The following PTPRG variants were observed in gnomAD, a reference collection of about 807,000 sequenced individuals.
PTPRG encodes the protein protein tyrosine phosphatase receptor type G.
A neutral mutation model predicts 165.3 loss-of-function variants in PTPRG; 102 were observed. The ratio of observed to expected loss-of-function variants is 0.62; its 90% confidence interval spans 0.53 to 0.73. PTPRG has a LOEUF of 0.73. PTPRG is among the 30% of genes least tolerant of loss of function. The probability of loss-of-function intolerance (pLI) is 0.00; values close to 1 mark genes in which losing one functional copy is unlikely to be tolerated. For synonymous variants in PTPRG, 675 were observed against 669.5 expected, an observed-to-expected ratio of 1.01 and a Z score of -0.13; for missense variants, 1,866 against 1,861.4, an observed-to-expected ratio of 1.00 and a Z score of -0.05.
At chr3:61,913,586 A>G (rs2038859032) in intron 2 of PTPRG, among the ~76,000 whole-genome samples, 1 of 152,166 alleles carries the variant, frequency 6.6e-6, no homozygotes, top group Non-Finnish European at 1.5e-5. Flanking sequence ...ATGCACTCAT[A>G]TGGATGTGTG....
chr3:62,158,828 C>T (rs1052523643), intron 7 of PTPRG, among the ~76,000 whole-genome samples: 2 of 151,778 alleles, frequency 1.3e-5, no homozygotes, highest in South Asian at 2.1e-4. Context: ...AAAGGACTGG[C>T]GATTTGGTTT....
chr3:61,934,416 T>A (rs907338722), intron 2 of PTPRG, among the ~76,000 whole-genome samples: 1 of 152,138 alleles, frequency 6.6e-6, no homozygotes, highest in African/African-American at 2.4e-5. Context: ...AATCCTGTTT[T>A]TCTGCTGTAA....
At chr3:61,732,634 G>A (rs953564124) in intron 1 of PTPRG, among the ~76,000 whole-genome samples, 8 of 150,990 alleles carry the variant, frequency 5.3e-5, no homozygotes, top group African/African-American at 7.4e-5. Context: ...GCATGAACCC[G>A]AGAGGCGGAG....
chr3:61,948,014 C>A (rs554392024), intron 2 of PTPRG, among the ~76,000 whole-genome samples: 1 of 151,962 alleles, frequency 6.6e-6, no homozygotes, highest in African/African-American at 2.4e-5. Context: ...AAACACGTAT[C>A]CCATAGGAAA....
chr3:61,742,519 T>C (rs1559586085), intron 1 of PTPRG: 7 of 1,597,218 alleles, frequency 4.4e-6, no homozygotes, highest in East Asian at 2.2e-5. Flanking sequence ...ATTCTGCCAG[T>C]TTTTCTTGAG....
Position 62,143,554 on chromosome 3 carries a change from CTTT to C in PTPRG, c.682+10900_682+10902del, listed in dbSNP as rs372744091. ...GAAAAATTTTAGTCTCATGAAGAATCTTTTTTTTTTTTTTTTAATTTTTTTGCC... is the reference window on the plus strand; with the variant it reads ...GAAAAATTTTAGTCTCATGAAGAATCTTTTTTTTTTTTTAATTTTTTTGCC... On this transcript the variant is annotated intron_variant, in intron 6 of 29. Coordinates refer to ENST00000474889, the MANE Select transcript of PTPRG (RefSeq NM_002841.4). Among the ~76,000 whole-genome samples, 507 of 138,902 alleles carry C rather than the reference CTTT, an allele frequency of 3.7e-3. 4 individuals are homozygous for C. Among genetic ancestry groups the C allele is most frequent in the African/African-American group, 0.012 (481 of 38,522 alleles). 91.1% of individuals were successfully genotyped at this position (138,902 alleles called of 152,430 possible).
intron 1 of PTPRG, among the ~76,000 whole-genome samples, chr3:61,570,461 A>G (rs751794990): frequency 1.2e-4 from 19 of 152,322 alleles, no homozygotes; most frequent in Non-Finnish European, 2.2e-4. Context: ...AAATAGGACA[A>G]CTGGTCTTAT....
rs2040314377 is a variant in PTPRG at position 61,968,315 on chromosome 3, CTA to C, written c.191-21308_191-21307del. Reference sequence around the variant, plus strand: ...TTACTAAATGGCTTCTATTTCAGAGCTATGTCATATTCCATCAGTGAGTATAG... The same window carrying C: ...TTACTAAATGGCTTCTATTTCAGAGCTGTCATATTCCATCAGTGAGTATAG... On this transcript the variant is annotated intron_variant, in intron 2 of 29. Coordinates refer to ENST00000474889, the MANE Select transcript of PTPRG (RefSeq NM_002841.4). Among the ~76,000 whole-genome samples, 3 of 152,120 alleles carry C rather than the reference CTA, an allele frequency of 2.0e-5. No homozygotes were observed. In the South Asian group the frequency reaches 6.2e-4, roughly 32 times the overall value.
In PTPRG at chr3:61,561,593, A is replaced by C. The variant is rs1699750783; in HGVS notation, c.-695A>C. ...CACATGTTACTTCCTGTATGGAGGCATGGCCAGTTTCCAGCCCCGCGCTCT... is the reference window on the plus strand; with the variant it reads ...CACATGTTACTTCCTGTATGGAGGCCTGGCCAGTTTCCAGCCCCGCGCTCT... On this transcript the variant is annotated 5_prime_UTR_variant, in exon 1 of 30. It removes an upstream start codon present in the reference 5' UTR. Coordinates refer to ENST00000474889, the MANE Select transcript of PTPRG (RefSeq NM_002841.4). The C allele has an allele frequency of 6.6e-6, 1 of 152,400 alleles. No individual in the cohort carries two copies. The highest frequency in any genetic ancestry group is 1.5e-5 in the Non-Finnish European group (1 of 68,334). 9.4% of individuals were successfully genotyped at this position (152,400 alleles called of 1,614,324 possible).
intron 6 of PTPRG, among the ~76,000 whole-genome samples, chr3:62,137,764 G>A (rs955713898): frequency 1.3e-5 from 2 of 152,090 alleles, no homozygotes; most frequent in African/African-American, 2.4e-5. Context: ...ACTCTTCGTC[G>A]CATGTCACAG....
chr3:61,887,953 C>A (rs2038097808), intron 2 of PTPRG, among the ~76,000 whole-genome samples: 1 of 151,952 alleles, frequency 6.6e-6, no homozygotes, highest in African/African-American at 2.4e-5. Context: ...CTGGAGAATA[C>A]CAAAATGGAT....
intron 7 of PTPRG, 90 bp downstream of exon 7, chr3:62,157,314 A>G: frequency 7.4e-7 from 1 of 1,359,886 alleles, no homozygotes; most frequent in Admixed American, 2.0e-5. Context: ...CCACTAAGGA[A>G]TTTGTTCTTG....
intron 5 of PTPRG, among the ~76,000 whole-genome samples, chr3:62,080,062 A>C (rs1859405): frequency 7.8e-6 from 1 of 128,870 alleles, no homozygotes; most frequent in African/African-American, 2.8e-5. Flanking sequence ...CCTTCGGTTC[A>C]TTTTTTTTTT....
chr3:61,585,563 G>A (rs1183437820), intron 1 of PTPRG, among the ~76,000 whole-genome samples: 1 of 151,752 alleles, frequency 6.6e-6, no homozygotes, highest in East Asian at 1.9e-4. Flanking sequence ...TGGGCAACAT[G>A]GCAAAACCCT....
At chr3:62,069,789 A>C (rs1218741403) in intron 4 of PTPRG, among the ~76,000 whole-genome samples, 1 of 152,084 alleles carries the variant, frequency 6.6e-6, no homozygotes, top group East Asian at 1.9e-4. Context: ...TTGATCTTGC[A>C]GTCTTGAGTT....
chr3:61,734,965 A>G (rs2032662112), intron 1 of PTPRG, among the ~76,000 whole-genome samples: 1 of 152,236 alleles, frequency 6.6e-6, no homozygotes, highest in South Asian at 2.1e-4. Flanking sequence ...ATCTTATAGC[A>G]TAATTGGTCA....
At chr3:62,193,102 T>C (rs1005543840) in intron 9 of PTPRG, among the ~76,000 whole-genome samples, 6 of 152,208 alleles carry the variant, frequency 3.9e-5, no homozygotes, top group Non-Finnish European at 7.3e-5. Context: ...TATTTTAACC[T>C]TTCTCTTGTC....
At chr3:62,119,384 C>CT (rs1320688359) in intron 5 of PTPRG, among the ~76,000 whole-genome samples, 1 of 152,192 alleles carries the variant, frequency 6.6e-6, no homozygotes, top group Non-Finnish European at 1.5e-5. Flanking sequence ...GCTCTGATGA[C>CT]TGAGAACTTG....
chr3:62,118,997 C>G (rs1337069040), intron 5 of PTPRG, among the ~76,000 whole-genome samples: 15 of 152,222 alleles, frequency 9.9e-5, no homozygotes, highest in Non-Finnish European at 1.5e-5. Context: ...AAGCAAACAT[C>G]TTGTTAGCAC....
Sources: allele counts gnomAD v4.1 joint callset (sites outside exome capture counted in the v4.1 genomes callset), GRCh38; gene constraint gnomAD v4.1.1; transcripts MANE v1.5; gene names NCBI Gene and HGNC (gene_info 2026-07-23, HGNC 2026-07-21).